Variants in CLNK observed in about 807,000 individuals in gnomAD.
CLNK encodes cytokine dependent hematopoietic cell linker.
CLNK carries 74 observed loss-of-function variants against 68.6 expected under a neutral mutation model. The ratio of observed to expected loss-of-function variants is 1.08; its 90% CI spans 0.89 to 1.31. The LOEUF (loss-of-function observed/expected upper bound fraction) is 1.31. Ranked by LOEUF, CLNK falls within the 50% of genes most tolerant of loss-of-function variation. CLNK has a pLI of 0.00. For missense variants in CLNK, 553 were observed against 515.3 expected (o/e 1.07, Z -0.71); for synonymous variants, 198 against 172.2 (o/e 1.15, Z -1.17).
intron 2 of CLNK, among the ~76,000 whole-genome samples, chr4:10,639,739 T>C (rs1190524713): frequency 6.6e-6 from 1 of 152,240 alleles, no homozygotes. Flanking sequence ...TAGCCACATG[T>C]GGCAAACGGC....
intron 2 of CLNK, among the ~76,000 whole-genome samples, chr4:10,630,825 G>A (rs766424775): frequency 3.6e-4 from 55 of 152,314 alleles, no homozygotes; most frequent in Middle Eastern, 3.4e-3. Flanking sequence ...CTGCCCTATA[G>A]GTGTTGTGAT....
rs2109011614 is a variant in CLNK at position 10,486,878 on chromosome 4, CTTAT to C, written c.*3585_*3588del. 1 of 152,294 alleles carries C rather than the reference CTTAT, an allele frequency of 6.6e-6. No individual in the cohort carries two copies. The highest frequency in any genetic ancestry group is 1.9e-4 in the East Asian group (1 of 5,194). The allele number at this position is 152,294 out of a possible 1,614,324, so 9.4% of individuals were successfully genotyped here. On this transcript the variant is annotated 3_prime_UTR_variant, in exon 19 of 19. Coordinates refer to ENST00000226951, the MANE Select transcript of CLNK (RefSeq NM_052964.4). ...GTAATGGGAAACTGACTTAGATTAT[CTTAT>C]TTGTTTGTATATTTATTTGTCATCT...
intron 1 of CLNK, among the ~76,000 whole-genome samples, chr4:10,683,080 G>C (rs1312867666): frequency 6.6e-6 from 1 of 152,034 alleles, no homozygotes; most frequent in Admixed American, 6.6e-5. Flanking sequence ...TTATATTATT[G>C]AGGCTAAATA....
At position 10,490,829 on chromosome 4, in the gene CLNK, A is replaced by G. The variant is rs181056861; in HGVS notation, c.1141-216T>C. ...ACCCAGGCTGGAATGCAGTGCCACAATCTCGGCTCACTGCAACCTCCGCCT... is the reference window on the plus strand; with the variant it reads ...ACCCAGGCTGGAATGCAGTGCCACAGTCTCGGCTCACTGCAACCTCCGCCT... On this transcript the variant is annotated intron_variant, in intron 18 of 18. Coordinates refer to ENST00000226951, the MANE Select transcript of CLNK (RefSeq NM_052964.4). Among the ~76,000 whole-genome samples the G allele has an allele frequency of 1.3e-5, 2 of 152,212 alleles. 1 individual carries two copies. The highest frequency in any genetic ancestry group is 3.9e-4 in the East Asian group (2 of 5,186).
chr4:10,734,720 G>T, the CLNK span, among the ~76,000 whole-genome samples: 2 of 152,122 alleles, frequency 1.3e-5, no homozygotes, highest in South Asian at 4.1e-4. Flanking sequence ...TAAGGATCTT[G>T]GACTCTGGGG....
upstream of CLNK, among the ~76,000 whole-genome samples, chr4:10,685,424 A>G (rs1374744530): frequency 6.6e-6 from 1 of 152,224 alleles, no homozygotes; most frequent in East Asian, 1.9e-4. Context: ...TTCAATAAAT[A>G]AACAAAATAT....
chr4:10,524,870 G>A (rs1054331936), intron 14 of CLNK, among the ~76,000 whole-genome samples: 3 of 152,146 alleles, frequency 2.0e-5, no homozygotes, highest in African/African-American at 7.2e-5. Flanking sequence ...TGCATTAAGT[G>A]GCATTGTGGT....
intron 18 of CLNK, among the ~76,000 whole-genome samples, chr4:10,499,718 C>T (rs533027559): frequency 6.6e-6 from 1 of 152,320 alleles, no homozygotes; most frequent in African/African-American, 2.4e-5. Flanking sequence ...TCTTTCTTCG[C>T]AGTTCTCGAG....
At chr4:10,712,153 G>A in the CLNK span, among the ~76,000 whole-genome samples, 1 of 152,132 alleles carries the variant, frequency 6.6e-6, no homozygotes, top group African/African-American at 2.4e-5. Context: ...GAAAATATGT[G>A]GCTTTATTGT....
intron 14 of CLNK, chr4:10,523,947 C>T: frequency 2.5e-6 from 1 of 392,170 alleles, no homozygotes; most frequent in Non-Finnish European, 5.1e-6. Context: ...ATCACTTGAG[C>T]CCGGGAGGTC....
At chr4:10,734,514 T>C in the CLNK span, among the ~76,000 whole-genome samples, 1 of 152,164 alleles carries the variant, frequency 6.6e-6, no homozygotes, top group Non-Finnish European at 1.5e-5. Flanking sequence ...AAAAGTAAAG[T>C]TGAACAGACT....
the CLNK span, among the ~76,000 whole-genome samples, chr4:10,727,301 C>T: frequency 8.5e-5 from 13 of 152,288 alleles, no homozygotes; most frequent in Admixed American, 3.9e-4. Flanking sequence ...AGGTGGGGCT[C>T]ATACTGAAGG....
intron 18 of CLNK, among the ~76,000 whole-genome samples, chr4:10,493,530 G>A (rs1393820400): frequency 6.6e-6 from 1 of 152,086 alleles, no homozygotes; most frequent in Non-Finnish European, 1.5e-5. Context: ...ATCTGTGAGG[G>A]CTCCACCTTC....
the CLNK span, among the ~76,000 whole-genome samples, chr4:10,698,263 G>A: frequency 2.3e-4 from 35 of 151,958 alleles, no homozygotes; most frequent in Middle Eastern, 3.4e-3. Context: ...GCAATTATAG[G>A]GTTTTATTAA....
At chr4:10,698,992 CTCTT>C in the CLNK span, among the ~76,000 whole-genome samples, 1 of 151,986 alleles carries the variant, frequency 6.6e-6, no homozygotes, top group Non-Finnish European at 1.5e-5. Flanking sequence ...TTAAAGTTGA[CTCTT>C]TCTTGGTCTC....
At chr4:10,629,406 C>A (rs1262202344) in intron 2 of CLNK, among the ~76,000 whole-genome samples, 1 of 152,158 alleles carries the variant, frequency 6.6e-6, no homozygotes, top group African/African-American at 2.4e-5. Context: ...GGGAGGCAGG[C>A]TCCCTTTCCC....
chr4:10,490,039 C>T lies in CLNK; in HGVS notation c.*428G>A, dbSNP rs1346532152. 1 of 160,714 alleles carries T rather than the reference C, an allele frequency of 6.2e-6. No individual in the cohort carries two copies. The highest frequency in any genetic ancestry group is 1.4e-5 in the Non-Finnish European group (1 of 73,882). 10.0% of individuals were successfully genotyped at this position (160,714 alleles called of 1,614,324 possible). On this transcript the variant is annotated 3_prime_UTR_variant, in exon 19 of 19. Coordinates refer to ENST00000226951, the MANE Select transcript of CLNK (RefSeq NM_052964.4). The stretch of plus-strand genomic sequence containing the variant: ...CCCAACAACTGACATAAAGGCAGCG[C>T]AGTGTCCTGTAAAGAGCACAGATTT...
upstream of CLNK, among the ~76,000 whole-genome samples, chr4:10,687,824 T>A (rs1161012716): frequency 6.6e-6 from 1 of 152,152 alleles, no homozygotes; most frequent in African/African-American, 2.4e-5. Flanking sequence ...GGGTGATAAT[T>A]CATTTTGTGT....
intron 3 of CLNK, among the ~76,000 whole-genome samples, chr4:10,597,424 C>A (rs959921652): frequency 6.6e-6 from 1 of 152,202 alleles, no homozygotes; most frequent in African/African-American, 2.4e-5. Context: ...AGGATTCGAT[C>A]AAGTTCTGAG....
Sources: gnomAD v4.1 joint callset for allele counts (sites outside exome capture counted in the v4.1 genomes callset) on GRCh38, gnomAD v4.1.1 for gene constraint, MANE v1.5 for transcripts, NCBI Gene and HGNC (gene_info 2026-07-23, HGNC 2026-07-21) for gene names.